The following CEP95 variants were observed in gnomAD, a reference collection of about 807,000 sequenced individuals.
The protein encoded by CEP95 is centrosomal protein 95, also known as centrosomal protein of 95 kDa.
In CEP95, 98 loss-of-function variants were observed where a neutral mutation model predicts 111.2. That is an observed-to-expected ratio of 0.88 (90% CI 0.75 to 1.04). CEP95 has a LOEUF of 1.04. Among genes scored for constraint, CEP95 ranks in the 50% least tolerant of loss-of-function variants. CEP95 has a pLI of 0.00. For synonymous variants in CEP95, 323 were observed against 327.1 expected, an observed-to-expected ratio of 0.99 and a Z score of 0.14; for missense variants, 1,027 against 977.2, an observed-to-expected ratio of 1.05 and a Z score of -0.68.
At chr17:64,507,600 T>G in intron 1 of CEP95, 1 of 1,004,754 alleles carries the variant, frequency 1.0e-6, no homozygotes, top group Non-Finnish European at 1.2e-6. Flanking sequence ...TCTAGAGTCA[T>G]GGGCTTTGTC....
rs1034021310 is a variant in CEP95, at chr17:64,521,384, T to C, written c.590-18T>C. The C allele has an allele frequency of 6.3e-7, 1 of 1,590,378 alleles. No homozygotes were observed. Among genetic ancestry groups the C allele is most frequent in the South Asian group, 1.1e-5 (1 of 87,652 alleles). On this transcript the variant is annotated intron_variant, in intron 6 of 19. Transcript: ENST00000556440. ...TTTTGATAGTTAAAAATTTTACCTTTAATATTTTCTTTCCTAGGTGCTCAA... is the reference window on the plus strand; with the variant it reads ...TTTTGATAGTTAAAAATTTTACCTTCAATATTTTCTTTCCTAGGTGCTCAA...
At chr17:64,522,176 T>G (rs1197562598) in intron 7 of CEP95, among the ~76,000 whole-genome samples, 1 of 152,164 alleles carries the variant, frequency 6.6e-6, no homozygotes, top group African/African-American at 2.4e-5. Context: ...TGTTTCTTAT[T>G]ATCATCTCTG....
Position 64,521,293 on chromosome 17 carries a change from A to G in CEP95, c.590-109A>G, listed in dbSNP as rs1176541736. The G allele has an allele frequency of 1.1e-5, 8 of 737,862 alleles. No individual in the cohort carries two copies. In the East Asian group the frequency reaches 1.9e-4, roughly 18 times the overall value. 45.7% of individuals were successfully genotyped at this position (737,862 alleles called of 1,614,324 possible). On this transcript the variant is annotated intron_variant, in intron 6 of 19. Transcript: ENST00000556440. ...AGTTGGACCAACATTATTTCGTTCA[A>G]CATTATTTAATATTTGTTTCCTGAG...
intron 2 of CEP95, among the ~76,000 whole-genome samples, chr17:64,509,819 CTA>C (rs1555674217): frequency 2.0e-5 from 3 of 151,882 alleles, no homozygotes; most frequent in Non-Finnish European, 1.5e-5. Flanking sequence ...CCTTATTAGA[CTA>C]TTAGCTGTCT....
At chr17:64,510,411 A>C in intron 3 of CEP95, 131 bp downstream of exon 3, 1 of 636,338 alleles carries the variant, frequency 1.6e-6, no homozygotes, top group Non-Finnish European at 2.8e-6. Flanking sequence ...GAGCTAAGAC[A>C]ATCAACTGAT....
intron 7 of CEP95, among the ~76,000 whole-genome samples, chr17:64,522,311 T>TA (rs1357215754): frequency 6.6e-6 from 1 of 152,236 alleles, no homozygotes; most frequent in Non-Finnish European, 1.5e-5. Context: ...GTTTTTAAAG[T>TA]AACTTTCAGG....
intron 19 of CEP95, 195 bp downstream of exon 19, chr17:64,537,307 G>A: frequency 7.1e-7 from 1 of 1,402,558 alleles, no homozygotes; most frequent in Non-Finnish European, 9.3e-7. Flanking sequence ...GCATTTCTTG[G>A]AACATATCTC....
intron 3 of CEP95, among the ~76,000 whole-genome samples, chr17:64,511,037 A>G (rs1410200222): frequency 6.6e-6 from 1 of 152,200 alleles, no homozygotes; most frequent in African/African-American, 2.4e-5. Flanking sequence ...AGTTTTTATT[A>G]GGGATTTTCA....
intron 7 of CEP95, 22 bp from the exon 8 acceptor site, chr17:64,522,680 C>T: frequency 6.3e-7 from 1 of 1,582,108 alleles, no homozygotes; most frequent in Non-Finnish European, 8.7e-7. Context: ...ATCGTAATAT[C>T]CACTTTAATT....
chr17:64,507,436 C>T (rs1414475533), intron 1 of CEP95: 5 of 1,341,870 alleles, frequency 3.7e-6, no homozygotes, highest in Admixed American at 3.4e-5. Flanking sequence ...AGCCGCTGTC[C>T]GTGTGCCCTC....
rs1438256016 is a variant in CEP95 at position 64,529,431 on chromosome 17, C to T, written c.1446+4C>T. On this transcript the variant is annotated splice_donor_region_variant and intron_variant, in intron 12 of 19. Transcript: ENST00000556440. The stretch of plus-strand genomic sequence containing the variant: ...TGTCCGCCAATTCCAAGCACAGGTT[C>T]TTCCCCATCTCTTGACTACCATTAA... The T allele has an allele frequency of 1.9e-6, 3 of 1,613,090 alleles. No homozygotes were observed. The highest frequency in any genetic ancestry group is 2.7e-5 in the African/African-American group (2 of 74,912).
At chr17:64,529,449 A>T in intron 12 of CEP95, 22 bp downstream of exon 12, 1 of 1,611,608 alleles carries the variant, frequency 6.2e-7, no homozygotes, top group South Asian at 1.1e-5. Context: ...TCTCTTGACT[A>T]CCATTAAGCA....
At chr17:64,518,424 A>G (rs1967043371) in intron 5 of CEP95, among the ~76,000 whole-genome samples, 1 of 152,236 alleles carries the variant, frequency 6.6e-6, no homozygotes, top group Non-Finnish European at 1.5e-5. Context: ...CCATGACTGT[A>G]CATTTACCAA....
chr17:64,532,120 T>G, intron 14 of CEP95, 98 bp downstream of exon 14: 1 of 1,377,460 alleles, frequency 7.3e-7, no homozygotes, highest in Non-Finnish European at 9.4e-7. Flanking sequence ...CATCCACCAG[T>G]TAGCCGAAGA....
At chr17:64,516,681 A>G (rs782165034) in intron 4 of CEP95, 42 bp from the exon 5 acceptor site, 1 of 1,229,798 alleles carries the variant, frequency 8.1e-7, no homozygotes, top group Admixed American at 1.9e-5. Context: ...AGTAGTATTC[A>G]CTTAGGGGTT....
intron 8 of CEP95, 127 bp downstream of exon 8, chr17:64,523,022 A>G (rs1300957442): frequency 1.1e-5 from 8 of 718,668 alleles, no homozygotes; most frequent in Middle Eastern, 4.0e-4. Flanking sequence ...TTCTTTGTCA[A>G]GGAAGCCCCT....
At chr17:64,532,788 G>A in intron 14 of CEP95, 51 bp from the exon 15 acceptor site, 1 of 1,565,546 alleles carries the variant, frequency 6.4e-7, no homozygotes, top group Admixed American at 2.0e-5. Context: ...GATGTTGGAT[G>A]ACAGTTCTTG....
chr17:64,537,567 C>G, intron 19 of CEP95, 36 bp from the exon 20 acceptor site: 1 of 1,544,244 alleles, frequency 6.5e-7, no homozygotes, highest in Non-Finnish European at 8.8e-7. Flanking sequence ...TGGATAAATG[C>G]TGTGAACAGC....
At chr17:64,533,854 A>G (rs1555680916) in intron 16 of CEP95, among the ~76,000 whole-genome samples, 1 of 152,158 alleles carries the variant, frequency 6.6e-6, no homozygotes, top group African/African-American at 2.4e-5. Flanking sequence ...AGCTGAACTT[A>G]GTGCTGTTTG....
Sources: gnomAD v4.1 joint callset for allele counts (sites outside exome capture counted in the v4.1 genomes callset) on GRCh38, gnomAD v4.1.1 for gene constraint, MANE v1.5 for transcripts, NCBI Gene and HGNC (gene_info 2026-07-23, HGNC 2026-07-21) for gene names.